TDRD5: variants seen among roughly 807,000 people sequenced by gnomAD.
TDRD5 encodes the protein tudor domain-containing protein 5.
TDRD5 carries 41 observed loss-of-function variants against 120.6 expected under a neutral mutation model. The observed-to-expected ratio is 0.34, with a 90% CI of 0.26 to 0.44. TDRD5 has a LOEUF of 0.44. Among genes scored for constraint, TDRD5 ranks in the 20% least tolerant of loss-of-function variants. The pLI is 1.00. For missense variants in TDRD5, 1,006 were observed against 1,221.2 expected (o/e 0.82, Z 2.63); for synonymous variants, 430 against 433.7 (o/e 0.99, Z 0.11).
At chr1:179,607,005 A>G (rs1676016430) in intron 4 of TDRD5, among the ~76,000 whole-genome samples, 1 of 152,166 alleles carries the variant, frequency 6.6e-6, no homozygotes, top group African/African-American at 2.4e-5. Flanking sequence ...GGGATTGAAT[A>G]GAATCTATAA....
At chr1:179,635,380 G>A (rs72706745) in intron 8 of TDRD5, among the ~76,000 whole-genome samples, 7,196 of 152,186 alleles carry the variant, frequency 0.047, 264 homozygotes, top group Non-Finnish European at 0.07. Flanking sequence ...TTTGTATAGA[G>A]CAATTGTGTA....
intron 7 of TDRD5, 30 bp from the exon 8 acceptor site, chr1:179,634,427 T>A: frequency 6.3e-7 from 1 of 1,575,472 alleles, no homozygotes; most frequent in Non-Finnish European, 8.6e-7. Flanking sequence ...TGAGATGGAG[T>A]TGTTTCATCA....
chr1:179,670,091 A>G (rs899769548), intron 17 of TDRD5, among the ~76,000 whole-genome samples: 2 of 152,186 alleles, frequency 1.3e-5, no homozygotes, highest in Non-Finnish European at 2.9e-5. Context: ...TTTTATTTCT[A>G]TTAAAGATAT....
chr1:179,630,471 A>C (rs1049695407), intron 6 of TDRD5, among the ~76,000 whole-genome samples: 8 of 152,174 alleles, frequency 5.3e-5, no homozygotes, highest in Non-Finnish European at 1.2e-4. Flanking sequence ...TTTTTTAAAC[A>C]CTTTTGCTTT....
chr1:179,620,006 T>C (rs1315294503), intron 5 of TDRD5, among the ~76,000 whole-genome samples: 1 of 152,246 alleles, frequency 6.6e-6, no homozygotes, highest in Non-Finnish European at 1.5e-5. Flanking sequence ...AGGGATGTCA[T>C]GTAGCTTATG....
intron 9 of TDRD5, among the ~76,000 whole-genome samples, chr1:179,637,588 G>T (rs150557451): frequency 6.6e-6 from 1 of 151,834 alleles, no homozygotes; most frequent in Non-Finnish European, 1.5e-5. Flanking sequence ...ATCTACAAAA[G>T]AATTAAAAAT....
intron 17 of TDRD5, among the ~76,000 whole-genome samples, chr1:179,686,546 G>T (rs535643910): frequency 6.6e-6 from 1 of 152,186 alleles, no homozygotes; most frequent in African/African-American, 2.4e-5. Context: ...TCAGGATGAT[G>T]CTGGCTTCAT....
Position 179,599,467 on chromosome 1 carries a change from C to A in TDRD5, c.831+3649C>A, listed in dbSNP as rs1471854202. On this transcript the variant is annotated intron_variant, in intron 4 of 17. Coordinates refer to ENST00000444136, the MANE Select transcript of TDRD5 (RefSeq NM_001199085.3). ...GTGAACCAAATTGGAGCTTTCTTTGCAGAAAGGTTTTAAACAACAAATTCA... is the reference window on the plus strand; with the variant it reads ...GTGAACCAAATTGGAGCTTTCTTTGAAGAAAGGTTTTAAACAACAAATTCA... Among the ~76,000 whole-genome samples, 2 of 150,848 alleles carry A rather than the reference C, an allele frequency of 1.3e-5. 1 individual carries two copies. The highest frequency in any genetic ancestry group is 3.0e-5 in the Non-Finnish European group (2 of 67,794).
intron 17 of TDRD5, 72 bp downstream of exon 17, chr1:179,669,476 C>A (rs1679742215): frequency 6.5e-7 from 1 of 1,533,286 alleles, no homozygotes; most frequent in Non-Finnish European, 9.0e-7. Flanking sequence ...TAAAACAAAC[C>A]TTCATTTATC....
At position 179,633,899 on chromosome 1, in the gene TDRD5, C is replaced by T. The variant is rs572953092; in HGVS notation, c.1127-558C>T. 1.5e-4 allele frequency among the ~76,000 whole-genome samples: 23 copies of T among 151,686 alleles called. 1 individual carries two copies. Among genetic ancestry groups the T allele is most frequent in the Middle Eastern group, 6.8e-3 (2 of 292 alleles). On this transcript the variant is annotated intron_variant, in intron 7 of 17. Coordinates refer to ENST00000444136, the MANE Select transcript of TDRD5 (RefSeq NM_001199085.3). ...AAGTTTAAGAAACCTTGGCTGGGCG[C>T]GGTGGCTCACACCTGTAATCCCAGC...
chr1:179,650,847 A>G lies in TDRD5; in HGVS notation c.1801-20A>G. 1.9e-6 allele frequency: 3 copies of G among 1,613,508 alleles called. No homozygotes were observed. The highest frequency in any genetic ancestry group is 2.2e-5 in the East Asian group (1 of 44,860). On this transcript the variant is annotated intron_variant, in intron 11 of 17. Coordinates refer to ENST00000444136, the MANE Select transcript of TDRD5 (RefSeq NM_001199085.3). ...TGTTTAGATCTATCACCTGAATCCA[A>G]TATCTTGATCATATTTCAGGAACAC... is the stretch of plus-strand genomic sequence containing the variant.
At chr1:179,672,718 T>C (rs1679920806) in intron 17 of TDRD5, among the ~76,000 whole-genome samples, 1 of 152,234 alleles carries the variant, frequency 6.6e-6, no homozygotes, top group Non-Finnish European at 1.5e-5. Flanking sequence ...CTAGAATTTT[T>C]AAGGTTTCAG....
chr1:179,690,615 G>A, intron 17 of TDRD5, 81 bp from the exon 18 acceptor site: 2 of 1,534,004 alleles, frequency 1.3e-6, no homozygotes, highest in East Asian at 2.3e-5. Context: ...ACACATATTA[G>A]TATAGAACTA....
At chr1:179,593,068 AT>A (rs1408836331) in intron 2 of TDRD5, among the ~76,000 whole-genome samples, 1 of 152,232 alleles carries the variant, frequency 6.6e-6, no homozygotes, top group African/African-American at 2.4e-5. Context: ...CAAAAGCTAC[AT>A]TTTTACATAT....
intron 14 of TDRD5, among the ~76,000 whole-genome samples, chr1:179,659,978 G>A (rs1304843639): frequency 6.6e-6 from 1 of 152,006 alleles, no homozygotes; most frequent in Admixed American, 6.6e-5. Context: ...TTACAGGCAT[G>A]AGCCACTGTG....
intron 9 of TDRD5, among the ~76,000 whole-genome samples, chr1:179,637,182 C>A (rs1001397607): frequency 6.6e-6 from 1 of 152,060 alleles, no homozygotes; most frequent in African/African-American, 2.4e-5. Flanking sequence ...TTTAATTTGA[C>A]AATAGTATGT....
chr1:179,668,756 T>C (rs939076677), intron 16 of TDRD5, among the ~76,000 whole-genome samples: 8 of 149,272 alleles, frequency 5.4e-5, no homozygotes, highest in African/African-American at 2.0e-4. Context: ...TTTTTTTTTT[T>C]TTTTGTGATG....
intron 6 of TDRD5, among the ~76,000 whole-genome samples, chr1:179,630,277 G>A (rs574650959): frequency 9.5e-4 from 144 of 152,280 alleles, no homozygotes; most frequent in Non-Finnish European, 1.7e-3. Flanking sequence ...GATTACAGGC[G>A]TGAGCCACCG....
At chr1:179,654,137 G>A (rs1339396724) in intron 13 of TDRD5, 64 bp from the exon 14 acceptor site, 1 of 1,340,438 alleles carries the variant, frequency 7.5e-7, no homozygotes, top group East Asian at 2.6e-5. Flanking sequence ...AAATGTATAG[G>A]CATGTAGATT....
Sources: gnomAD v4.1 joint callset for allele counts (sites outside exome capture counted in the v4.1 genomes callset) on GRCh38, gnomAD v4.1.1 for gene constraint, MANE v1.5 for transcripts, NCBI Gene and HGNC (gene_info 2026-07-23, HGNC 2026-07-21) for gene names.